The following STK3 variants were observed in gnomAD, a reference collection of about 807,000 sequenced individuals.
The protein encoded by STK3 is serine/threonine kinase 3.
A neutral mutation model predicts 58.0 loss-of-function variants in STK3; 41 were observed. The ratio of observed to expected loss-of-function variants is 0.71; its 90% CI spans 0.55 to 0.92. The LOEUF is 0.92. Ranked by LOEUF, STK3 falls within the 40% of genes least tolerant of loss-of-function variation. The pLI, the probability that STK3 is intolerant of heterozygous loss-of-function variation, is 0.00. For missense variants in STK3, 479 were observed against 602.7 expected (o/e 0.79, Z 2.15); for synonymous variants, 170 against 191.0 (o/e 0.89, Z 0.91).
intron 6 of STK3, among the ~76,000 whole-genome samples, chr8:98,600,178 A>G (rs1390611304): frequency 6.6e-6 from 1 of 152,200 alleles, no homozygotes; most frequent in Admixed American, 6.5e-5. Context: ...TGGCCAAGAA[A>G]GGCCAATGTG....
chr8:98,683,215 T>C (rs1823759633), intron 6 of STK3, among the ~76,000 whole-genome samples: 1 of 151,982 alleles, frequency 6.6e-6, no homozygotes, highest in Admixed American at 6.6e-5. Context: ...AATTTAAATG[T>C]TAAATAAATA....
intron 1 of STK3, among the ~76,000 whole-genome samples, chr8:98,892,777 A>G (rs1040709700): frequency 6.6e-6 from 1 of 152,158 alleles, no homozygotes; most frequent in Non-Finnish European, 1.5e-5. Context: ...CTTATTCACT[A>G]CTTTATTTCC....
At position 98,718,710 on chromosome 8, in the gene STK3, T is replaced by C. The variant is rs571050157; in HGVS notation, c.352-11399A>G. Among the ~76,000 whole-genome samples, 121 of 152,230 alleles carry C rather than the reference T, an allele frequency of 7.9e-4. 2 individuals are homozygous for C. Among genetic ancestry groups the C allele is most frequent in the Non-Finnish European group, 4.7e-4 (32 of 68,000 alleles). Reference sequence around the variant, plus strand: ...TACATATTATGTTATGATATTAATATATTAATGTTGAACATATAAAATGTT... The same window carrying C: ...TACATATTATGTTATGATATTAATACATTAATGTTGAACATATAAAATGTT... On this transcript the variant is annotated intron_variant, in intron 4 of 10. Transcript: ENST00000419617.
At chr8:98,826,372 T>C (rs890663344), upstream of STK3, among the ~76,000 whole-genome samples, 3 of 152,256 alleles carry the variant, frequency 2.0e-5, no homozygotes, top group Non-Finnish European at 4.4e-5. Flanking sequence ...TTGATTTTTA[T>C]TGTGGACAAG....
intron 10 of STK3, among the ~76,000 whole-genome samples, chr8:98,490,103 T>C (rs1822572184): frequency 6.6e-6 from 1 of 152,240 alleles, no homozygotes; most frequent in South Asian, 2.1e-4. Context: ...TAGAGTTTAC[T>C]TGCTTAAACT....
chr8:98,499,863 G>A (rs1823433883), intron 10 of STK3, among the ~76,000 whole-genome samples: 1 of 152,142 alleles, frequency 6.6e-6, no homozygotes, highest in African/African-American at 2.4e-5. Context: ...GAGATTTTGG[G>A]TTGAAACTGA....
chr8:98,783,488 C>T (rs919460123), intron 1 of STK3, among the ~76,000 whole-genome samples: 2 of 152,160 alleles, frequency 1.3e-5, no homozygotes, highest in South Asian at 4.1e-4. Flanking sequence ...GAGCCTACAA[C>T]GAGTCAAAAT....
intron 3 of STK3, among the ~76,000 whole-genome samples, chr8:98,860,045 G>A (rs1836869131): frequency 6.6e-6 from 1 of 152,102 alleles, no homozygotes; most frequent in Non-Finnish European, 1.5e-5. Context: ...ATTCATGTTA[G>A]TTCAACTAAC....
At position 98,774,656 on chromosome 8, in the gene STK3, C is replaced by G. The variant is rs1199711689; in HGVS notation, c.107+83G>C. On this transcript the variant is annotated intron_variant, in intron 2 of 10. Transcript: ENST00000419617. ...ATACTATTCAATTCATACGAATATA[C>G]TCTAGTTGAAAGATTAACATCATAT... 3 of 944,460 alleles carry G rather than the reference C, an allele frequency of 3.2e-6. No individual in the cohort carries two copies. The East Asian group carries it at 8.5e-5, about 27-fold the overall frequency. 58.5% of individuals were successfully genotyped at this position (944,460 alleles called of 1,614,324 possible).
intron 6 of STK3, among the ~76,000 whole-genome samples, chr8:98,649,866 A>G (rs1820737476): frequency 6.6e-6 from 1 of 152,226 alleles, no homozygotes; most frequent in African/African-American, 2.4e-5. Flanking sequence ...TAAAGCCAGC[A>G]TGCTCTTTCC....
intron 6 of STK3, among the ~76,000 whole-genome samples, chr8:98,702,982 T>G (rs1825724172): frequency 6.6e-6 from 1 of 152,196 alleles, no homozygotes; most frequent in Admixed American, 6.5e-5. Context: ...GTCAATCACA[T>G]CTTTGTCTCA....
rs779734482 is a variant in STK3, at chr8:98,581,512, G to C, written c.823-1723C>G. On this transcript the variant is annotated intron_variant, in intron 7 of 10. Transcript: ENST00000419617. ...TGAGAAGGACTGGACAGCCTCAAAA[G>C]GATAGAAGTCTAGGTTCTCCATTTA... is the stretch of plus-strand genomic sequence containing the variant. 1.1e-3 allele frequency among the ~76,000 whole-genome samples: 173 copies of C among 151,900 alleles called. 1 individual carries two copies. Among genetic ancestry groups the C allele is most frequent in the South Asian group, 2.7e-3 (13 of 4,802 alleles).
chr8:98,400,489 C>T (rs1817932190), downstream of STK3, among the ~76,000 whole-genome samples: 1 of 152,268 alleles, frequency 6.6e-6, no homozygotes, highest in African/African-American at 2.4e-5. Context: ...AGCAATCTCT[C>T]TCACGCAGAT....
intron 1 of STK3, among the ~76,000 whole-genome samples, chr8:98,886,205 A>G (rs1837985584): frequency 6.6e-6 from 1 of 152,220 alleles, no homozygotes; most frequent in African/African-American, 2.4e-5. Context: ...ACACACAACT[A>G]CATCTAAAAT....
chr8:98,527,307 T>G (rs1343838792), intron 9 of STK3, among the ~76,000 whole-genome samples: 7 of 152,178 alleles, frequency 4.6e-5, no homozygotes, highest in Admixed American at 4.6e-4. Flanking sequence ...GCTATTGTTA[T>G]TGTACATTTT....
Position 98,603,896 on chromosome 8 carries a change from T to C in STK3, c.685-7727A>G, listed in dbSNP as rs559045196. Among the ~76,000 whole-genome samples the C allele has an allele frequency of 3.9e-5, 6 of 152,306 alleles. No individual in the cohort carries two copies. In the South Asian group the frequency reaches 1.0e-3, roughly 26 times the overall value. On this transcript the variant is annotated intron_variant, in intron 6 of 10. Transcript: ENST00000419617. ...TCTAATCCCCGGACTTGTGAATATG[T>C]TACTTTACATGGCAAAAAGGATTTT...
At chr8:98,381,740 A>C (rs1325635974) in intron 1 of STK3, among the ~76,000 whole-genome samples, 2 of 152,202 alleles carry the variant, frequency 1.3e-5, no homozygotes, top group Non-Finnish European at 2.9e-5. Context: ...CTTAACCTAA[A>C]GTCAACCAGT....
intron 1 of STK3, among the ~76,000 whole-genome samples, chr8:98,449,358 G>A (rs1287460744): frequency 6.6e-6 from 1 of 152,126 alleles, no homozygotes. Context: ...CTTTAAAAAG[G>A]TATTTTCAGT....
chr8:98,721,035 A>G (rs1284527449), intron 4 of STK3: 7 of 931,256 alleles, frequency 7.5e-6, no homozygotes, highest in Non-Finnish European at 9.0e-6. Flanking sequence ...AACAAAACAA[A>G]TATACCTGTT....
Sources: gnomAD v4.1 joint callset for allele counts (sites outside exome capture counted in the v4.1 genomes callset) on GRCh38, gnomAD v4.1.1 for gene constraint, MANE v1.5 for transcripts, NCBI Gene and HGNC (gene_info 2026-07-23, HGNC 2026-07-21) for gene names.